The following MORN1 variants were observed in gnomAD, a reference collection of about 807,000 sequenced individuals.
MORN1 encodes MORN repeat-containing protein 1.
A neutral mutation model predicts 61.9 loss-of-function variants in MORN1; 67 were observed. The observed-to-expected ratio is 1.08, with a 90% CI of 0.89 to 1.33. MORN1 has a LOEUF of 1.33. Among genes scored for constraint, MORN1 ranks in the 40% most tolerant of loss-of-function variants. The pLI is 0.00. For synonymous variants in MORN1, 301 were observed against 292.0 expected (o/e 1.03, Z -0.31); for missense variants, 752 against 691.2 (o/e 1.09, Z -0.99).
At chr1:2,350,204 T>C (rs963332622) in intron 10 of MORN1, among the ~76,000 whole-genome samples, 4 of 152,258 alleles carry the variant, frequency 2.6e-5, no homozygotes, top group Non-Finnish European at 4.4e-5. Context: ...TACTAAAATC[T>C]GGGTGCTGTA....
rs1569893281 is a variant in MORN1, at chr1:2,321,561, A to G, written c.1316T>C (p.Ile439Thr). The G allele has an allele frequency of 6.6e-7, 1 of 1,516,028 alleles. No individual in the cohort carries two copies. Among genetic ancestry groups the G allele is most frequent in the Non-Finnish European group, 8.9e-7 (1 of 1,129,810 alleles). 93.9% of individuals were successfully genotyped at this position (1,516,028 alleles called of 1,614,324 possible). A position where few individuals can be genotyped will look rare whatever the true frequency, so the allele number is the denominator to read the frequency against. ...AAHLGEYVLM[I>T]RDVTTPPFLG... ...GAACGGCGGGGTGGTCACGTCGCGG[A>G]TCATGAGCACGTACTCCCCTGCAAG... Residue 439 changes from isoleucine to threonine, a missense_variant, in exon 14 of 14, where the codon ATC becomes ACC. Coordinates refer to ENST00000378531, the MANE Select transcript of MORN1 (RefSeq NM_024848.3).
intron 12 of MORN1, among the ~76,000 whole-genome samples, chr1:2,326,893 C>T (rs1328482190): frequency 6.6e-6 from 1 of 152,214 alleles, no homozygotes; most frequent in Admixed American, 6.5e-5. Context: ...GCGACCCGGG[C>T]CTCACCCAGG....
At chr1:2,322,987 A>G (rs894914826) in intron 13 of MORN1, 5 of 985,436 alleles carry the variant, frequency 5.1e-6, no homozygotes, top group Non-Finnish European at 4.8e-6. Context: ...CTTAGCCCCA[A>G]GTGGCCCCTG....
At chr1:2,384,048 G>A (rs1642432005) in intron 6 of MORN1, among the ~76,000 whole-genome samples, 1 of 152,170 alleles carries the variant, frequency 6.6e-6, no homozygotes, top group South Asian at 2.1e-4. Context: ...CCTCGTCCTT[G>A]TTGGTGACTC....
rs566070042 is a variant in MORN1 at position 2,334,460 on chromosome 1, A to G, written c.1250+2009T>C. The stretch of plus-strand genomic sequence containing the variant: ...GAGCTTACGGAGAGTTCCCGATGGG[A>G]AAGACTCCCCAGGGTTTCCGCACCC... On this transcript the variant is annotated intron_variant, in intron 12 of 13. Coordinates refer to ENST00000378531, the MANE Select transcript of MORN1 (RefSeq NM_024848.3). The surrounding 1 kb of genome is among the most constrained non-coding windows in gnomAD (Gnocchi z 5.4). Among the ~76,000 whole-genome samples, 60 of 152,238 alleles carry G rather than the reference A, an allele frequency of 3.9e-4. No individual in the cohort carries two copies. The highest frequency in any genetic ancestry group is 1.4e-3 in the African/African-American group (60 of 41,542).
At chr1:2,355,542 G>A in intron 10 of MORN1, 3 of 1,491,568 alleles carry the variant, frequency 2.0e-6, no homozygotes, top group Admixed American at 2.0e-5. Flanking sequence ...GGGGGCAGGG[G>A]CACGGGCATG....
chr1:2,339,898 T>C (rs979354125), intron 10 of MORN1, among the ~76,000 whole-genome samples: 4 of 152,242 alleles, frequency 2.6e-5, no homozygotes, highest in African/African-American at 9.6e-5. Flanking sequence ...CCTGCGGGGC[T>C]GCTCCCCGTG....
At chr1:2,332,244 G>A (rs778575292) in intron 12 of MORN1, 3 of 220,432 alleles carry the variant, frequency 1.4e-5, no homozygotes, top group Non-Finnish European at 1.8e-5. Context: ...AGTGGATGCT[G>A]AGAGGAGCTC....
chr1:2,385,752 A>C (rs1202359909), intron 5 of MORN1, 55 bp downstream of exon 5: 4 of 1,527,442 alleles, frequency 2.6e-6, no homozygotes, highest in Non-Finnish European at 3.6e-6. Flanking sequence ...ATGGCCTCAC[A>C]CCTGCCCTGT....
In MORN1 at chr1:2,358,592, A is replaced by C. The variant is rs766651270; in HGVS notation, c.869T>G (p.Phe290Cys). 1.2e-6 allele frequency: 2 copies of C among 1,614,094 alleles called. No homozygotes were observed. The highest frequency in any genetic ancestry group is 1.7e-6 in the Non-Finnish European group (2 of 1,179,960). The change falls in exon 9 of 14, where the codon TTT (phenylalanine) becomes TGT (cysteine). Residue 290 changes from phenylalanine to cysteine, a missense_variant and splice_region_variant. Coordinates refer to ENST00000378531, the MANE Select transcript of MORN1 (RefSeq NM_024848.3). Reference sequence around the variant, plus strand: ...ACTCATTGGTGTCACACGTACTCACAATGGGGTCTGGATGAGTGTCTCTTG... The same window carrying C: ...ACTCATTGGTGTCACACGTACTCACCATGGGGTCTGGATGAGTGTCTCTTG... ...DNQETLIQTP[F>C]GFECIPYPVS...
chr1:2,387,172 G>T, intron 4 of MORN1: 2 of 553,636 alleles, frequency 3.6e-6, no homozygotes, highest in South Asian at 4.7e-5. Flanking sequence ...AGCCACGGGC[G>T]TCTGTTCCGC....
In MORN1 at chr1:2,336,199, G is replaced by A. The variant is rs149072718; in HGVS notation, c.1250+270C>T. ...TGCATGCCCACAGCCTGGTCCGCCC[G>A]GCGGGTCTGGGAGTTGTGGTGATCG... On this transcript the variant is annotated intron_variant, in intron 12 of 13. Transcript: ENST00000378531. Among the ~76,000 whole-genome samples, 780 of 152,324 alleles carry A rather than the reference G, an allele frequency of 5.1e-3. 3 individuals carry two copies. The highest frequency in any genetic ancestry group is 7.8e-3 in the Admixed American group (119 of 15,304).
chr1:2,389,591 A>G (rs1209558475), intron 2 of MORN1, among the ~76,000 whole-genome samples: 2 of 152,168 alleles, frequency 1.3e-5, no homozygotes, highest in Non-Finnish European at 2.9e-5. Flanking sequence ...TCTTTCTTCT[A>G]TTACTTGGAT....
chr1:2,387,586 A>G (rs1642535786), intron 3 of MORN1, 57 bp from the exon 4 acceptor site: 1 of 1,300,546 alleles, frequency 7.7e-7, no homozygotes, highest in African/African-American at 1.5e-5. Context: ...CTGCGGCCCC[A>G]GTCGGCTCTC....
At chr1:2,332,749 G>T (rs1641186425) in intron 12 of MORN1, 1 of 456,322 alleles carries the variant, frequency 2.2e-6, no homozygotes, top group African/African-American at 2.0e-5. Context: ...GCTCCTGTTG[G>T]GATCCTGGGA....
rs146035428 is a variant in MORN1 at position 2,349,120 on chromosome 1, G to A, written c.1036+8312C>T. Among the ~76,000 whole-genome samples, 34 of 152,348 alleles carry A rather than the reference G, an allele frequency of 2.2e-4. No homozygotes were observed. In the East Asian group the frequency reaches 3.1e-3, roughly 14 times the overall value. ...GGCCCAACGCCCAGAGCAGGGGCTC[G>A]GAGACCCCGCTGGCCACCCCACTTG... On this transcript the variant is annotated intron_variant, in intron 10 of 13. Coordinates refer to ENST00000378531, the MANE Select transcript of MORN1 (RefSeq NM_024848.3).
intron 6 of MORN1, among the ~76,000 whole-genome samples, chr1:2,380,342 G>A (rs1642344251): frequency 6.6e-6 from 1 of 152,310 alleles, no homozygotes; most frequent in Middle Eastern, 3.4e-3. Flanking sequence ...GCCACTGCAC[G>A]CTTAAAAGTG....
rs140159982 is a variant in MORN1 at position 2,384,998 on chromosome 1, C to T, written c.517G>A (p.Ala173Thr). 608 of 1,590,418 alleles carry T rather than the reference C, an allele frequency of 3.8e-4. 6 individuals are homozygous for T. In the African/African-American group the frequency reaches 5.3e-3, roughly 14 times the overall value. ...RRQGHGVLRC[A>T]DGSTYKGQWH... ...GGTACCTTGTAGGTGGAGCCGTCGG[C>T]GCAGCGCAGCACCCCGTGTCCCTGA... is the stretch of plus-strand genomic sequence containing the variant. The change falls in exon 6 of 14, where the codon GCC becomes ACC. Residue 173 changes from alanine to threonine, a missense_variant. Transcript: ENST00000378531.
At chr1:2,348,808 CG>C (rs1641586551) in intron 10 of MORN1, among the ~76,000 whole-genome samples, 1 of 148,538 alleles carries the variant, frequency 6.7e-6, no homozygotes. Context: ...CACTCCTGCG[CG>C]GGCACGCACA....
Sources: gnomAD v4.1 joint callset for allele counts (sites outside exome capture counted in the v4.1 genomes callset) on GRCh38, gnomAD v4.1.1 for gene constraint, Gnocchi (gnomAD v3.1) non-coding constraint, MANE v1.5 for transcripts, NCBI Gene and HGNC (gene_info 2026-07-23, HGNC 2026-07-21) for gene names.